The following USP4 variants were observed in gnomAD, a reference collection of about 807,000 sequenced individuals.
The protein encoded by USP4 is ubiquitin specific peptidase 4.
In USP4, 72 loss-of-function variants were observed where a neutral mutation model predicts 118.2. The ratio of observed to expected loss-of-function variants is 0.61; its 90% CI spans 0.50 to 0.74. The LOEUF (loss-of-function observed/expected upper bound fraction) is 0.74, where lower values mean the gene tolerates loss of function less well. USP4 is among the 30% of genes least tolerant of loss of function. The pLI is 0.00. For synonymous variants in USP4, 415 were observed against 440.4 expected (o/e 0.94, Z 0.72); for missense variants, 1,037 against 1,185.7 (o/e 0.87, Z 1.84).
chr3:49,325,958 T>A (rs936060924), intron 3 of USP4, 113 bp from the exon 4 acceptor site: 2 of 1,337,050 alleles, frequency 1.5e-6, no homozygotes, highest in African/African-American at 2.9e-5. Flanking sequence ...TCCATTTCCT[T>A]TACTGATCAA....
At chr3:49,295,099 C>A (rs191900733) in intron 13 of USP4, among the ~76,000 whole-genome samples, 83 of 152,160 alleles carry the variant, frequency 5.5e-4, no homozygotes, top group African/African-American at 1.8e-3. Flanking sequence ...ACCATCCTGG[C>A]TAACACGGTG....
At position 49,277,318 on chromosome 3, in the gene USP4, T is replaced by G; in HGVS notation, c.*975A>C. ...CCCATACGTCCGGTTCCTTAAGGCC[T>G]TGCCCACACGCAGCGGCTGGCCCCG... On this transcript the variant is annotated 3_prime_UTR_variant, in exon 22 of 22. Coordinates refer to ENST00000265560, the MANE Select transcript of USP4 (RefSeq NM_003363.4). 5 of 1,090,624 alleles carry G rather than the reference T, an allele frequency of 4.6e-6. No homozygotes were observed. Among genetic ancestry groups the G allele is most frequent in the Admixed American group, 2.7e-5 (1 of 37,502 alleles). The allele number at this position is 1,090,624 out of a possible 1,614,324, so 67.6% of individuals were successfully genotyped here. A position where few individuals can be genotyped will look rare whatever the true frequency, so the allele number is the denominator to read the frequency against.
intron 6 of USP4, among the ~76,000 whole-genome samples, chr3:49,321,787 A>G (rs2047505711): frequency 6.7e-6 from 1 of 149,468 alleles, no homozygotes; most frequent in African/African-American, 2.4e-5. Context: ...TGAGGCTAGA[A>G]GTTCGAGACC....
At chr3:49,279,578 G>A (rs1293134333) in intron 20 of USP4, among the ~76,000 whole-genome samples, 1 of 152,170 alleles carries the variant, frequency 6.6e-6, no homozygotes, top group Non-Finnish European at 1.5e-5. Flanking sequence ...TCCCAAGCAG[G>A]ATGTGTTTAT....
intron 19 of USP4, among the ~76,000 whole-genome samples, chr3:49,282,393 G>T (rs2047040982): frequency 6.6e-6 from 1 of 151,846 alleles, no homozygotes; most frequent in African/African-American, 2.4e-5. Context: ...TCCTGCCTCA[G>T]CCTCCCAAGT....
intron 7 of USP4, 100 bp downstream of exon 7, chr3:49,311,414 C>T: frequency 1.5e-6 from 2 of 1,346,904 alleles, no homozygotes; most frequent in Non-Finnish European, 1.0e-6. Flanking sequence ...ATGAGGAACT[C>T]TAACCCCACT....
At chr3:49,286,640 C>G (rs1466287634) in intron 15 of USP4, among the ~76,000 whole-genome samples, 1 of 152,096 alleles carries the variant, frequency 6.6e-6, no homozygotes, top group Non-Finnish European at 1.5e-5. Flanking sequence ...GTCTCTCACT[C>G]TTGCAACTTC....
Position 49,327,714 on chromosome 3 carries a change from A to G in USP4, c.332T>C (p.Val111Ala), listed in dbSNP as rs1453418315. Residue 111 changes from valine to alanine, a missense_variant, in exon 3 of 22, where the codon GTA (valine) becomes GCA (alanine). By Grantham distance (64) the Val-to-Ala change is moderately conservative. Around this residue, in one of 3 missense-constraint regions of USP4, gnomAD observed 487 missense variants for 534.1 expected, o/e 0.91. Transcript: ENST00000265560. ...WNKLLNWYGCVEGQQPIVRKV... is the reference protein window; with the variant it reads ...WNKLLNWYGCAEGQQPIVRKV... ...TCTGACGATGGGTTGCTGGCCTTCT[A>G]CACAGCCGTACCAGTTTAGTAGTTT... 1 of 1,614,140 alleles carries G rather than the reference A, an allele frequency of 6.2e-7. No homozygotes were observed. The highest frequency in any genetic ancestry group is 1.1e-5 in the South Asian group (1 of 91,074).
chr3:49,312,203 A>G (rs2047389895), intron 6 of USP4: 1 of 246,000 alleles, frequency 4.1e-6, no homozygotes, highest in Non-Finnish European at 8.3e-6. Flanking sequence ...TCACCCTTGT[A>G]ATCCCAGCAC....
intron 9 of USP4, among the ~76,000 whole-genome samples, chr3:49,304,849 C>T (rs2047296447): frequency 6.7e-6 from 1 of 149,188 alleles, no homozygotes; most frequent in Non-Finnish European, 1.5e-5. Context: ...CTGCACCCTC[C>T]ACCTCCCAGG....
At chr3:49,307,771 C>T (rs1250996408) in intron 8 of USP4, among the ~76,000 whole-genome samples, 2 of 151,512 alleles carry the variant, frequency 1.3e-5, no homozygotes, top group African/African-American at 2.4e-5. Context: ...TAAGTGAGAC[C>T]CCGTTTCCAC....
At position 49,327,540 on chromosome 3, in the gene USP4, A is replaced by G. The variant is rs1027198907; in HGVS notation, c.360+146T>C. On this transcript the variant is annotated intron_variant, in intron 3 of 21. Transcript: ENST00000265560. ...GACAAGTGCACAAGACTCCATCTCA[A>G]AAAAAAAAGAGATCCAGAAACAAGG... 1.5e-5 allele frequency: 13 copies of G among 839,072 alleles called. No individual in the cohort carries two copies. In the African/African-American group the frequency reaches 2.3e-4, roughly 15 times the overall value. The allele number at this position is 839,072 out of a possible 1,614,324, so 52.0% of individuals were successfully genotyped here. A position where few individuals can be genotyped will look rare whatever the true frequency, so the allele number is the denominator to read the frequency against.
intron 1 of USP4, among the ~76,000 whole-genome samples, chr3:49,336,598 C>A (rs1317607674): frequency 6.7e-6 from 1 of 149,358 alleles, no homozygotes; most frequent in African/African-American, 2.5e-5. Flanking sequence ...GATCTCGGCT[C>A]TCCGCAACCT....
chr3:49,313,124 C>T (rs1022258555), intron 6 of USP4, among the ~76,000 whole-genome samples: 1 of 152,004 alleles, frequency 6.6e-6, no homozygotes, highest in Non-Finnish European at 1.5e-5. Context: ...AGCTCTTGAC[C>T]TTGTGATCTG....
chr3:49,285,916 C>T (rs1490473678), intron 16 of USP4, among the ~76,000 whole-genome samples, 182 bp downstream of exon 16: 1 of 152,040 alleles, frequency 6.6e-6, no homozygotes, highest in Non-Finnish European at 1.5e-5. Flanking sequence ...GGAGAAAAGC[C>T]TGAAAGGTAG....
At chr3:49,290,479 C>CA (rs1205211006) in intron 15 of USP4, among the ~76,000 whole-genome samples, 1 of 152,210 alleles carries the variant, frequency 6.6e-6, no homozygotes, top group Non-Finnish European at 1.5e-5. Context: ...GGAATCTGGA[C>CA]ATTTGGTTTT....
At position 49,278,298 on chromosome 3, in the gene USP4, T is replaced by C. The variant is rs765972911; in HGVS notation, c.2887A>G (p.Asn963Asp). ...GDDEACSMDT[N>D] ...GCAGGATCGTGGAGTCAGCATTAGT[T>C]GGTGTCCATGCTGCAAGCCTCATCA... Residue 963 changes from asparagine (N) to aspartate (D), a missense_variant, in exon 22 of 22, where the codon AAC becomes GAC. Transcript: ENST00000265560. 1.3e-5 allele frequency: 21 copies of C among 1,613,418 alleles called. No homozygotes were observed. The Admixed American group carries it at 1.5e-4, about 12-fold the overall frequency.
At chr3:49,333,000 G>A (rs375995314) in intron 2 of USP4, among the ~76,000 whole-genome samples, 3 of 150,174 alleles carry the variant, frequency 2.0e-5, no homozygotes, top group Non-Finnish European at 3.0e-5. Context: ...GCTACTGCAC[G>A]AGGTAGCAGT....
chr3:49,294,513 T>C lies in USP4; in HGVS notation c.1777A>G (p.Ser593Gly), dbSNP rs2047183085. 2.5e-6 allele frequency: 4 copies of C among 1,614,206 alleles called. No individual in the cohort carries two copies. The highest frequency in any genetic ancestry group is 2.5e-6 in the Non-Finnish European group (3 of 1,180,022). ...YFRERKSRPS[S>G]TSSASALYGQ... Reference sequence around the variant, plus strand: ...TATAGCGCTGATGCGGAGGAAGTGCTTGATGGCCTGGACTTCCTCTCCCTG... The same window carrying C: ...TATAGCGCTGATGCGGAGGAAGTGCCTGATGGCCTGGACTTCCTCTCCCTG... Residue 593 changes from serine to glycine, a missense_variant, in exon 14 of 22, where the codon AGC becomes GGC. This residue lies in a region of USP4 where 522 missense variants were observed against 592.6 expected (regional missense o/e 0.88). Transcript: ENST00000265560.
Sources: allele counts gnomAD v4.1 joint callset (sites outside exome capture counted in the v4.1 genomes callset), GRCh38; gene constraint gnomAD v4.1.1; regional missense constraint gnomAD v4.1.1; transcripts MANE v1.5; gene names NCBI Gene and HGNC (gene_info 2026-07-23, HGNC 2026-07-21).